KIF1B: variants seen among roughly 807,000 people sequenced by gnomAD.
The protein encoded by KIF1B is kinesin-like protein KIF1B.
Under a neutral mutation model 241.9 loss-of-function variants are expected in KIF1B, and 76 were observed. That is an observed-to-expected ratio of 0.31 (90% CI 0.26 to 0.38). The LOEUF (loss-of-function observed/expected upper bound fraction) is 0.38, where lower values mean the gene tolerates loss of function less well. Ranked by LOEUF, KIF1B falls within the 10% of genes least tolerant of loss-of-function variation. The probability of loss-of-function intolerance (pLI) is 1.00; values close to 1 mark genes in which losing one functional copy is unlikely to be tolerated. For missense variants in KIF1B, 1,622 were observed against 2,271.4 expected (o/e 0.71, Z 5.81); for synonymous variants, 750 against 796.7 (o/e 0.94, Z 0.99).
At chr1:10,290,916 G>T (rs1188667384) in intron 15 of KIF1B, among the ~76,000 whole-genome samples, 166 bp from the exon 16 acceptor site, 1 of 151,690 alleles carries the variant, frequency 6.6e-6, no homozygotes, top group African/African-American at 2.4e-5. Context: ...TTAGTTTTAG[G>T]TCTAATCTTT....
chr1:10,265,226 T>A, intron 5 of KIF1B, among the ~76,000 whole-genome samples: 1 of 149,370 alleles, frequency 6.7e-6, no homozygotes, highest in Non-Finnish European at 1.5e-5. Context: ...ATTTATTTAT[T>A]TATTTATTTA....
intron 25 of KIF1B, 38 bp from the exon 26 acceptor site, chr1:10,324,720 A>G (rs1651660827): frequency 3.1e-6 from 5 of 1,611,680 alleles, no homozygotes; most frequent in Non-Finnish European, 2.5e-6. Context: ...ATGCAATCTC[A>G]TTATATTAAC....
At chr1:10,241,259 A>G (rs1441390801) in intron 2 of KIF1B, among the ~76,000 whole-genome samples, 1 of 151,804 alleles carries the variant, frequency 6.6e-6, no homozygotes, top group Non-Finnish European at 1.5e-5. Context: ...TACAGCCACC[A>G]CACCCAGCTA....
At chr1:10,270,002 CA>C (rs1648702076) in intron 7 of KIF1B, among the ~76,000 whole-genome samples, 1 of 152,130 alleles carries the variant, frequency 6.6e-6, no homozygotes, top group South Asian at 2.1e-4. Flanking sequence ...ATCCCATAAT[CA>C]TAGCTTTCCT....
intron 22 of KIF1B, among the ~76,000 whole-genome samples, chr1:10,313,205 A>G (rs1651142226): frequency 6.6e-6 from 1 of 151,284 alleles, no homozygotes; most frequent in Non-Finnish European, 1.5e-5. Flanking sequence ...AGCTGAGACT[A>G]CAGGCACACG....
chr1:10,278,802 T>C (rs1477620907), intron 13 of KIF1B: 1 of 334,852 alleles, frequency 3.0e-6, no homozygotes, highest in Admixed American at 4.3e-5. Context: ...TGGATTCATA[T>C]AGGAATAGAA....
At chr1:10,278,186 C>T (rs1169569422) in intron 13 of KIF1B, 58 bp downstream of exon 13, 6 of 1,538,992 alleles carry the variant, frequency 3.9e-6, no homozygotes, top group Admixed American at 3.4e-5. Flanking sequence ...GGTTCTTATT[C>T]AGCGTTCTTA....
At chr1:10,361,933 G>C in intron 40 of KIF1B, 108 bp downstream of exon 40, 2 of 1,362,076 alleles carry the variant, frequency 1.5e-6, no homozygotes. Flanking sequence ...TACAGTTTAT[G>C]AACCATTTTG....
Position 10,365,151 on chromosome 1 carries a change from G to C in KIF1B, c.4418G>C (p.Arg1473Pro), listed in dbSNP as rs1384701975. The C allele has an allele frequency of 1.9e-6, 3 of 1,614,064 alleles. No individual in the cohort carries two copies. Among genetic ancestry groups the C allele is most frequent in the Non-Finnish European group, 2.5e-6 (3 of 1,180,012 alleles). Residue 1473 changes from arginine (R) to proline (P), a missense_variant, in exon 42 of 49, where the codon CGG becomes CCG. By Grantham distance (103) the Arg-to-Pro change is moderately radical (BLOSUM62 -2). This residue lies in a region of KIF1B where 803 missense variants were observed against 1,112.0 expected (regional missense o/e 0.72). Transcript: ENST00000676179. The surrounding 1 kb of genome is among the most constrained non-coding windows in gnomAD (Gnocchi z 4.0). ...TTAGATACGTCAGTGGCATATGTGCGGGGAGAAGAGAACTTAGCAGGCTGG... is the reference window on the plus strand; with the variant it reads ...TTAGATACGTCAGTGGCATATGTGCCGGGAGAAGAGAACTTAGCAGGCTGG... The part of the protein sequence containing the change: ...KILDTSVAYV[R>P]GEENLAGWRP...
chr1:10,233,340 G>A (rs1005053033), intron 2 of KIF1B, among the ~76,000 whole-genome samples: 5 of 152,150 alleles, frequency 3.3e-5, no homozygotes, highest in African/African-American at 9.7e-5. Context: ...TGAAGGCCGG[G>A]TGTGGTGGCT....
intron 38 of KIF1B, among the ~76,000 whole-genome samples, chr1:10,356,138 C>T (rs1349951811): frequency 1.3e-5 from 2 of 151,954 alleles, no homozygotes; most frequent in African/African-American, 2.4e-5. Flanking sequence ...GAGGCCAAGG[C>T]GGGTGGATCA....
At chr1:10,226,031 G>A (rs572114598) in intron 1 of KIF1B, among the ~76,000 whole-genome samples, 1 of 152,272 alleles carries the variant, frequency 6.6e-6, no homozygotes, top group African/African-American at 2.4e-5. Context: ...AGAAAATGGG[G>A]ATATTGTGTA....
At chr1:10,336,575 T>A (rs1231137206) in intron 28 of KIF1B, 82 bp from the exon 29 acceptor site, 1 of 1,106,824 alleles carries the variant, frequency 9.0e-7, no homozygotes, top group Non-Finnish European at 1.4e-6. Context: ...AAGACTTGAG[T>A]TTATAATCCA....
rs118003926 is a variant in KIF1B at position 10,306,184 on chromosome 1, G to A, written c.2115+8938G>A. ...TTTTCCCCTTAAAAAGAGAAGCTTT[G>A]AGAGATATTTTTGCTTTCATAGCTA... On this transcript the variant is annotated intron_variant, in intron 22 of 48. Coordinates refer to ENST00000676179, the MANE Select transcript of KIF1B (RefSeq NM_001365951.3). 573 of 1,039,578 alleles carry A rather than the reference G, an allele frequency of 5.5e-4. 26 individuals are homozygous for A. The East Asian group carries it at 0.033, about 60-fold the overall frequency. The allele number at this position is 1,039,578 out of a possible 1,614,324, so 64.4% of individuals were successfully genotyped here. A position where few individuals can be genotyped will look rare whatever the true frequency, so the allele number is the denominator to read the frequency against.
chr1:10,247,869 C>T (rs1043406793), intron 2 of KIF1B, among the ~76,000 whole-genome samples: 6 of 152,042 alleles, frequency 3.9e-5, no homozygotes, highest in African/African-American at 1.2e-4. Context: ...GGGATGAAAC[C>T]GTTCCATCTC....
rs987758478 is a variant in KIF1B, at chr1:10,365,019, A to AG, written c.4367-81_4367-80insG. 7.7e-7 allele frequency: 1 copy of AG among 1,305,678 alleles called. No homozygotes were observed. Among genetic ancestry groups the AG allele is most frequent in the Admixed American group, 2.1e-5 (1 of 48,356 alleles). 80.9% of individuals were successfully genotyped at this position (1,305,678 alleles called of 1,614,324 possible). On this transcript the variant is annotated intron_variant, in intron 41 of 48. Coordinates refer to ENST00000676179, the MANE Select transcript of KIF1B (RefSeq NM_001365951.3). The surrounding 1 kb of genome is among the most constrained non-coding windows in gnomAD (Gnocchi z 4.0). Reference sequence around the variant, plus strand: ...AGACTCCATCTCAAAAAAAAAAAAAAAAGAATTATTAATTCGTTTTGACCT... The same window carrying AG: ...AGACTCCATCTCAAAAAAAAAAAAAAGAAGAATTATTAATTCGTTTTGACCT...
At position 10,315,441 on chromosome 1, in the gene KIF1B, G is replaced by T. The variant is rs528874556; in HGVS notation, c.2116-4602G>T. ...TCTGCCTGCCTCGGCCTCCCAAAGTGCTGGGATTACAGGCATGAGCCACTG... is the reference window on the plus strand; with the variant it reads ...TCTGCCTGCCTCGGCCTCCCAAAGTTCTGGGATTACAGGCATGAGCCACTG... On this transcript the variant is annotated intron_variant, in intron 22 of 48. Transcript: ENST00000676179. 7.3e-5 allele frequency among the ~76,000 whole-genome samples: 11 copies of T among 151,122 alleles called. 1 individual carries two copies. The South Asian group carries it at 2.3e-3, about 31-fold the overall frequency.
In KIF1B at chr1:10,334,628, G is replaced by A; in HGVS notation, c.3033G>A (p.Gln1011=). The A allele has an allele frequency of 6.2e-7, 1 of 1,612,266 alleles. No individual in the cohort carries two copies. The highest frequency in any genetic ancestry group is 1.1e-5 in the South Asian group (1 of 90,996). The part of the protein sequence containing the change: ...EVRGFLRVAV[Q]AIAADEEAPD... ...GGGGATTTCTGCGTGTGGCTGTACA[G>A]GCCATCGCAGGTAGGTGACCCTCTT... Residue 1011 remains glutamine, a synonymous_variant, in exon 28 of 49, where the codon CAG becomes CAA. Transcript: ENST00000676179.
intron 37 of KIF1B, among the ~76,000 whole-genome samples, chr1:10,349,505 A>G (rs2102331004): frequency 1.3e-5 from 2 of 152,272 alleles, no homozygotes; most frequent in Middle Eastern, 6.8e-3. Context: ...CAGCATATAT[A>G]TGTGCAGAAT....
Sources: gnomAD v4.1 joint callset for allele counts (sites outside exome capture counted in the v4.1 genomes callset) on GRCh38, gnomAD v4.1.1 for gene constraint, gnomAD v4.1.1 regional missense constraint, Gnocchi (gnomAD v3.1) non-coding constraint, MANE v1.5 for transcripts, NCBI Gene and HGNC (gene_info 2026-07-23, HGNC 2026-07-21) for gene names.